The following UBXN10 variants were observed in gnomAD, a reference collection of about 807,000 sequenced individuals.
UBXN10 encodes UBX domain-containing protein 10.
Under a neutral mutation model 6.9 loss-of-function variants are expected in UBXN10, and 6 were observed. The ratio of observed to expected loss-of-function variants is 0.87; its 90% CI spans 0.48 to 1.72. The LOEUF (loss-of-function observed/expected upper bound fraction) is 1.72, where lower values mean the gene tolerates loss of function less well. Among genes scored for constraint, UBXN10 ranks in the 40% most tolerant of loss-of-function variants. UBXN10 has a pLI of 0.01. For synonymous variants in UBXN10, 131 were observed against 135.2 expected, an observed-to-expected ratio of 0.97 and a Z score of 0.21; for missense variants, 317 against 348.4, an observed-to-expected ratio of 0.91 and a Z score of 0.72.
chr1:20,184,197 G>GCGCA (rs1553184784), upstream of UBXN10: 66 of 149,722 alleles, frequency 4.4e-4, no homozygotes, highest in East Asian at 1.2e-3. Context: ...GTGCGCACAC[G>GCGCA]CACACACACA....
chr1:20,188,511 G>A (rs978228681), intron 1 of UBXN10, among the ~76,000 whole-genome samples: 6 of 152,204 alleles, frequency 3.9e-5, no homozygotes, highest in African/African-American at 1.4e-4. Context: ...GCAGAATGGT[G>A]AGGTTAGAAT....
rs938495935 is a variant in UBXN10 at position 20,194,451 on chromosome 1, G to T, written c.*3047G>T. On this transcript the variant is annotated 3_prime_UTR_variant, in exon 2 of 2. Transcript: ENST00000375099. ...TTCAAGGCAGGGCACTCCTGCGGAA[G>T]AGATGGCTTGTGAACATGACTGTGG... The T allele has an allele frequency of 2.4e-5, 4 of 167,142 alleles. No individual in the cohort carries two copies. The highest frequency in any genetic ancestry group is 9.6e-5 in the African/African-American group (4 of 41,472). The allele number at this position is 167,142 out of a possible 1,614,324, so 10.4% of individuals were successfully genotyped here.
rs528520138 is a variant in UBXN10, at chr1:20,191,022, G to A, written c.461G>A (p.Gly154Asp). ...CGGGCTCTTTACCAAGACGAGACGGGCACCATGAAGACAAGTGAAGAAGAT... is the reference window on the plus strand; with the variant it reads ...CGGGCTCTTTACCAAGACGAGACGGACACCATGAAGACAAGTGAAGAAGAT... ...SIRALYQDET[G>D]TMKTSEEDSR... Residue 154 changes from glycine (G) to aspartate (D), a missense_variant, in exon 2 of 2, where the codon GGC (glycine) becomes GAC (aspartate). Physicochemically the swap from Gly to Asp is moderately conservative, Grantham distance 94. Transcript: ENST00000375099. This position sits in a 1 kb window ranked among gnomAD's most constrained non-coding sequence, Gnocchi z 4.5. 14 of 1,614,150 alleles carry A rather than the reference G, an allele frequency of 8.7e-6. 1 individual carries two copies. The South Asian group carries it at 1.5e-4, about 18-fold the overall frequency.
chr1:20,190,577 C>T lies in UBXN10; in HGVS notation c.16C>T (p.Pro6Ser). 2 of 1,613,040 alleles carry T rather than the reference C, an allele frequency of 1.2e-6. No individual in the cohort carries two copies. The highest frequency in any genetic ancestry group is 1.7e-6 in the Non-Finnish European group (2 of 1,179,164). Residue 6 changes from proline to serine, a missense_variant, in exon 2 of 2, where the codon CCT (proline) becomes TCT (serine). Transcript: ENST00000375099. MATEAPVNIAPPECST... is the reference protein window; with the variant it reads MATEASVNIAPPECST... ...TTGAGAAGCAATGGCCACAGAAGCC[C>T]CTGTGAATATAGCACCACCTGAGTG...
At chr1:20,184,569 C>G (rs2018334163), upstream of UBXN10, 1 of 152,312 alleles carries the variant, frequency 6.6e-6, no homozygotes, top group Non-Finnish European at 1.5e-5. Context: ...CTGAGACGAG[C>G]AGAAACACCA....
In UBXN10 at chr1:20,196,036, C is replaced by T. The variant is rs1468346846; in HGVS notation, c.*4632C>T. On this transcript the variant is annotated 3_prime_UTR_variant, in exon 2 of 2. Coordinates refer to ENST00000375099, the MANE Select transcript of UBXN10 (RefSeq NM_152376.5). ...ATTCTGGGGCTTAATTAATAAAGCTCCTAGTTTCATAGTTTTCATGCTCAC... is the reference window on the plus strand; with the variant it reads ...ATTCTGGGGCTTAATTAATAAAGCTTCTAGTTTCATAGTTTTCATGCTCAC... 1.2e-5 allele frequency: 2 copies of T among 163,988 alleles called. No homozygotes were observed. Among genetic ancestry groups the T allele is most frequent in the Non-Finnish European group, 2.9e-5 (2 of 68,088 alleles). 10.2% of individuals were successfully genotyped at this position (163,988 alleles called of 1,614,324 possible).
At position 20,194,300 on chromosome 1, in the gene UBXN10, G is replaced by A. The variant is rs1335983534; in HGVS notation, c.*2896G>A. ...AATAGGTAAATTAGTCTTGGCAGCAGAAGGAACAGCAGGAGAAGTAAGTGA... is the reference window on the plus strand; with the variant it reads ...AATAGGTAAATTAGTCTTGGCAGCAAAAGGAACAGCAGGAGAAGTAAGTGA... On this transcript the variant is annotated 3_prime_UTR_variant, in exon 2 of 2. Transcript: ENST00000375099. 1 of 167,144 alleles carries A rather than the reference G, an allele frequency of 6.0e-6. No individual in the cohort carries two copies. Among genetic ancestry groups the A allele is most frequent in the Non-Finnish European group, 1.5e-5 (1 of 68,148 alleles). 10.4% of individuals were successfully genotyped at this position (167,144 alleles called of 1,614,324 possible).
At chr1:20,183,583 T>C (rs1280166487), upstream of UBXN10, among the ~76,000 whole-genome samples, 1 of 151,606 alleles carries the variant, frequency 6.6e-6, no homozygotes, top group Non-Finnish European at 1.5e-5. Context: ...CTAGGGAGGG[T>C]GCACAGCACC....
Position 20,192,498 on chromosome 1 carries a change from G to A in UBXN10, c.*1094G>A, listed in dbSNP as rs939174814. 5.4e-5 allele frequency: 9 copies of A among 167,090 alleles called. No individual in the cohort carries two copies. The highest frequency in any genetic ancestry group is 2.2e-4 in the African/African-American group (9 of 41,438). 10.4% of individuals were successfully genotyped at this position (167,090 alleles called of 1,614,324 possible). On this transcript the variant is annotated 3_prime_UTR_variant, in exon 2 of 2. Coordinates refer to ENST00000375099, the MANE Select transcript of UBXN10 (RefSeq NM_152376.5). Reference sequence around the variant, plus strand: ...GAAGTACATCAGCCTGTCTTAGCCTGAGCTGCTTTGAAGACCATGGGGTCT... The same window carrying A: ...GAAGTACATCAGCCTGTCTTAGCCTAAGCTGCTTTGAAGACCATGGGGTCT...
At position 20,193,875 on chromosome 1, in the gene UBXN10, C is replaced by T. The variant is rs1293496218; in HGVS notation, c.*2471C>T. The T allele has an allele frequency of 6.0e-6, 1 of 167,060 alleles. No homozygotes were observed. The highest frequency in any genetic ancestry group is 1.5e-5 in the Non-Finnish European group (1 of 68,136). The allele number at this position is 167,060 out of a possible 1,614,324, so 10.3% of individuals were successfully genotyped here. A position where few individuals can be genotyped will look rare whatever the true frequency, so the allele number is the denominator to read the frequency against. On this transcript the variant is annotated 3_prime_UTR_variant, in exon 2 of 2. Coordinates refer to ENST00000375099, the MANE Select transcript of UBXN10 (RefSeq NM_152376.5). ...GCTGAGGCCCCCTGTCCTAAATGGG[C>T]TCAACCGGCCTAGCACACTCCTCTT... is the stretch of plus-strand genomic sequence containing the variant.
At position 20,190,374 on chromosome 1, in the gene UBXN10, G is replaced by A. The variant is rs552403265; in HGVS notation, c.-15-173G>A. On this transcript the variant is annotated intron_variant, in intron 1 of 1. Transcript: ENST00000375099. ...AAGGACTTCGGTTTGCTGATCTCTC[G>A]CAAGTGCCTAAAATAAATGAATGCA... Among the ~76,000 whole-genome samples the A allele has an allele frequency of 1.2e-4, 18 of 152,138 alleles. 1 individual carries two copies. The East Asian group carries it at 3.3e-3, about 28-fold the overall frequency.
chr1:20,190,435 C>A (rs2018470942), intron 1 of UBXN10, 112 bp from the exon 2 acceptor site: 2 of 1,394,082 alleles, frequency 1.4e-6, no homozygotes, highest in East Asian at 4.6e-5. Flanking sequence ...GTGCCCCTTA[C>A]TAGATGCCAG....
chr1:20,192,538 C>A lies in UBXN10; in HGVS notation c.*1134C>A, dbSNP rs550276573. On this transcript the variant is annotated 3_prime_UTR_variant, in exon 2 of 2. Transcript: ENST00000375099. ...CCATGGGGTCTTGTGTTTCCAACTT[C>A]GAAGTGCTGATGTGGACAGTTTGCC... The A allele has an allele frequency of 1.1e-4, 18 of 167,228 alleles. No homozygotes were observed. The highest frequency in any genetic ancestry group is 4.1e-4 in the African/African-American group (17 of 41,570). 10.4% of individuals were successfully genotyped at this position (167,228 alleles called of 1,614,324 possible). A position where few individuals can be genotyped will look rare whatever the true frequency, so the allele number is the denominator to read the frequency against.
rs1428406371 is a variant in UBXN10, at chr1:20,186,120, C to G, written c.-49C>G. ...GGTTGTTTACCAGCAGGACAGAGCC[C>G]GGGCGCAGGCGGCGGATGGAGCGGA... On this transcript the variant is annotated 5_prime_UTR_variant, in exon 1 of 2. Coordinates refer to ENST00000375099, the MANE Select transcript of UBXN10 (RefSeq NM_152376.5). The G allele has an allele frequency of 6.6e-6, 1 of 152,458 alleles. No individual in the cohort carries two copies. Among genetic ancestry groups the G allele is most frequent in the Non-Finnish European group, 1.5e-5 (1 of 68,324 alleles). The allele number at this position is 152,458 out of a possible 1,614,324, so 9.4% of individuals were successfully genotyped here.
chr1:20,194,629 T>C lies in UBXN10; in HGVS notation c.*3225T>C, dbSNP rs1390778135. Reference sequence around the variant, plus strand: ...CATTCGAGGAACTAAACTTTGCTTTTGTTCATGCTCTTACCTGCCGTTTTA... The same window carrying C: ...CATTCGAGGAACTAAACTTTGCTTTCGTTCATGCTCTTACCTGCCGTTTTA... On this transcript the variant is annotated 3_prime_UTR_variant, in exon 2 of 2. Coordinates refer to ENST00000375099, the MANE Select transcript of UBXN10 (RefSeq NM_152376.5). 1.8e-5 allele frequency: 3 copies of C among 167,158 alleles called. No individual in the cohort carries two copies. The highest frequency in any genetic ancestry group is 4.4e-5 in the Non-Finnish European group (3 of 68,136). 10.4% of individuals were successfully genotyped at this position (167,158 alleles called of 1,614,324 possible).
chr1:20,188,424 A>G (rs1447674162), intron 1 of UBXN10, among the ~76,000 whole-genome samples: 1 of 152,160 alleles, frequency 6.6e-6, no homozygotes, highest in African/African-American at 2.4e-5. Context: ...ATATAGGGAT[A>G]ATGTGTTGCG....
chr1:20,191,487 C>G lies in UBXN10; in HGVS notation c.*83C>G. The G allele has an allele frequency of 6.5e-7, 1 of 1,530,624 alleles. No individual in the cohort carries two copies. Among genetic ancestry groups the G allele is most frequent in the East Asian group, 2.3e-5 (1 of 44,200 alleles). 94.8% of individuals were successfully genotyped at this position (1,530,624 alleles called of 1,614,324 possible). On this transcript the variant is annotated 3_prime_UTR_variant, in exon 2 of 2. Transcript: ENST00000375099. This position sits in a 1 kb window ranked among gnomAD's most constrained non-coding sequence, Gnocchi z 4.5. ...TTGTGGCCTCTTAGGCAGCCTGTTT[C>G]AAGTGCCATGTGGACCTGGTGCAGC... is the stretch of plus-strand genomic sequence containing the variant.
Position 20,195,138 on chromosome 1 carries a change from G to C in UBXN10, c.*3734G>C, listed in dbSNP as rs553533142. The stretch of plus-strand genomic sequence containing the variant: ...GCGTGCCACTTTCCTTTCCTGATTA[G>C]GGAAGCTTCTCCCAGCCCTTTCTGA... On this transcript the variant is annotated 3_prime_UTR_variant, in exon 2 of 2. Transcript: ENST00000375099. 3 of 167,124 alleles carry C rather than the reference G, an allele frequency of 1.8e-5. No homozygotes were observed. The highest frequency in any genetic ancestry group is 4.8e-5 in the African/African-American group (2 of 41,466). 10.4% of individuals were successfully genotyped at this position (167,124 alleles called of 1,614,324 possible).
rs562194915 is a variant in UBXN10, at chr1:20,193,658, G to C, written c.*2254G>C. The C allele has an allele frequency of 6.0e-5, 10 of 167,108 alleles. No homozygotes were observed. Among genetic ancestry groups the C allele is most frequent in the African/African-American group, 2.4e-4 (10 of 41,502 alleles). The allele number at this position is 167,108 out of a possible 1,614,324, so 10.4% of individuals were successfully genotyped here. On this transcript the variant is annotated 3_prime_UTR_variant, in exon 2 of 2. Coordinates refer to ENST00000375099, the MANE Select transcript of UBXN10 (RefSeq NM_152376.5). Reference sequence around the variant, plus strand: ...TGTTAGAACCAAGTCCTCCTCCCCGGACACTTCTGATGCCCACTGCAGAAG... The same window carrying C: ...TGTTAGAACCAAGTCCTCCTCCCCGCACACTTCTGATGCCCACTGCAGAAG...
Sources: allele counts gnomAD v4.1 joint callset (sites outside exome capture counted in the v4.1 genomes callset), GRCh38; gene constraint gnomAD v4.1.1; non-coding constraint Gnocchi (gnomAD v3.1); transcripts MANE v1.5; gene names NCBI Gene and HGNC (gene_info 2026-07-23, HGNC 2026-07-21).